Variants in SPECC1 observed in about 807,000 individuals in gnomAD.
The protein encoded by SPECC1 is cytospin-B.
In SPECC1, 62 loss-of-function variants were observed where a neutral mutation model predicts 104.1. The observed-to-expected ratio is 0.60, with a 90% CI of 0.49 to 0.74. SPECC1 has a LOEUF of 0.74. Ranked by LOEUF, SPECC1 falls within the 30% of genes least tolerant of loss-of-function variation. The pLI is 0.00. For missense variants in SPECC1, 1,306 were observed against 1,310.5 expected, an observed-to-expected ratio of 1.00 and a Z score of 0.05; for synonymous variants, 513 against 501.6, an observed-to-expected ratio of 1.02 and a Z score of -0.30.
intron 3 of SPECC1, among the ~76,000 whole-genome samples, chr17:20,190,139 A>G (rs2035563916): frequency 6.6e-6 from 1 of 152,140 alleles, no homozygotes; most frequent in Admixed American, 6.5e-5. Flanking sequence ...GTGGGGCCCC[A>G]AGATTTGATA....
chr17:20,318,824 A>ATTT lies in SPECC1; in HGVS notation c.*4768_*4770dup. On this transcript the variant is annotated 3_prime_UTR_variant, in exon 15 of 15. Transcript: ENST00000395527. Reference sequence around the variant, plus strand: ...CTGTAGCATCCTGAATAGCACACTAATTTTTTTTTTTAGCACACTAACTTT... The same window carrying ATTT: ...CTGTAGCATCCTGAATAGCACACTAATTTTTTTTTTTTTTAGCACACTAACTTT... The ATTT allele has an allele frequency of 1.1e-5, 2 of 189,454 alleles. No individual in the cohort carries two copies. The highest frequency in any genetic ancestry group is 8.6e-5 in the East Asian group (1 of 11,674). 11.7% of individuals were successfully genotyped at this position (189,454 alleles called of 1,614,324 possible). A position where few individuals can be genotyped will look rare whatever the true frequency, so the allele number is the denominator to read the frequency against.
At chr17:20,230,000 T>A (rs2038473036) in intron 5 of SPECC1, among the ~76,000 whole-genome samples, 1 of 152,232 alleles carries the variant, frequency 6.6e-6, no homozygotes, top group Admixed American at 6.5e-5. Context: ...CAGGGGAGGT[T>A]CTGCAGATCA....
chr17:20,203,124 A>G (rs2036541289), intron 3 of SPECC1, among the ~76,000 whole-genome samples: 1 of 152,050 alleles, frequency 6.6e-6, no homozygotes, highest in Admixed American at 6.6e-5. Flanking sequence ...CTGCCAGTCT[A>G]TGGGAACATT....
At chr17:20,142,164 T>G (rs778715497) in intron 3 of SPECC1, among the ~76,000 whole-genome samples, 2 of 152,258 alleles carry the variant, frequency 1.3e-5, no homozygotes, top group Non-Finnish European at 2.9e-5. Flanking sequence ...AGTCACTAAA[T>G]TATTATTTTG....
intron 1 of SPECC1, among the ~76,000 whole-genome samples, chr17:20,025,340 C>T (rs910797976): frequency 1.3e-5 from 2 of 152,206 alleles, no homozygotes; most frequent in African/African-American, 2.4e-5. Flanking sequence ...GTTTGTGGTA[C>T]TTTGTTCCAG....
chr17:20,016,789 C>T (rs2044149049), intron 1 of SPECC1, among the ~76,000 whole-genome samples: 1 of 152,254 alleles, frequency 6.6e-6, no homozygotes, highest in Non-Finnish European at 1.5e-5. Flanking sequence ...CCATCGACCA[C>T]CAGAGGGCTG....
At chr17:20,093,795 A>G (rs2047519802) in intron 1 of SPECC1, among the ~76,000 whole-genome samples, 2 of 149,650 alleles carry the variant, frequency 1.3e-5, no homozygotes, top group African/African-American at 4.9e-5. Context: ...CAGTAGCTCA[A>G]TCTTGGTTCA....
chr17:20,281,854 T>C (rs1009725352), intron 12 of SPECC1, among the ~76,000 whole-genome samples: 1 of 152,218 alleles, frequency 6.6e-6, no homozygotes, highest in Non-Finnish European at 1.5e-5. Context: ...GGCCTGAGCA[T>C]GGTCCTAGGG....
At chr17:20,311,179 C>T (rs8070401) in intron 14 of SPECC1, among the ~76,000 whole-genome samples, 114,140 of 150,058 alleles carry the variant, frequency 0.76, 44,564 homozygotes, top group East Asian at 0.99. Flanking sequence ...TCAATTGGTA[C>T]ATAGGACAGC....
chr17:20,264,159 G>C (rs2040130342), intron 12 of SPECC1, among the ~76,000 whole-genome samples: 1 of 152,112 alleles, frequency 6.6e-6, no homozygotes, highest in South Asian at 2.1e-4. Flanking sequence ...ATGTGTACTT[G>C]ACTTAAAATA....
intron 1 of SPECC1, among the ~76,000 whole-genome samples, chr17:20,041,035 T>G (rs1012691203): frequency 2.0e-5 from 3 of 152,014 alleles, no homozygotes; most frequent in African/African-American, 7.2e-5. Flanking sequence ...TCCTTTCTCT[T>G]TTTCCATCAT....
chr17:20,197,865 C>T (rs1567927432), intron 3 of SPECC1, among the ~76,000 whole-genome samples: 1 of 152,214 alleles, frequency 6.6e-6, no homozygotes, highest in Non-Finnish European at 1.5e-5. Context: ...AATACACCAG[C>T]TTAAGACTAG....
intron 7 of SPECC1, 75 bp from the exon 8 acceptor site, chr17:20,245,846 AGTTCT>A: frequency 1.3e-6 from 2 of 1,491,162 alleles, no homozygotes; most frequent in Non-Finnish European, 1.8e-6. Flanking sequence ...TCTCCACATC[AGTTCT>A]GTTTTCCTCT....
At chr17:20,201,914 A>G (rs2036460097) in intron 3 of SPECC1, among the ~76,000 whole-genome samples, 1 of 152,230 alleles carries the variant, frequency 6.6e-6, no homozygotes, top group African/African-American at 2.4e-5. Context: ...AAAAAAATTC[A>G]GATGAACTGG....
At chr17:20,061,733 T>C (rs549606190) in intron 1 of SPECC1, among the ~76,000 whole-genome samples, 2 of 152,218 alleles carry the variant, frequency 1.3e-5, no homozygotes, top group Non-Finnish European at 2.9e-5. Flanking sequence ...CTTACTGACT[T>C]CAGTCCCATT....
intron 11 of SPECC1, among the ~76,000 whole-genome samples, chr17:20,258,512 A>G (rs1286327007): frequency 2.0e-5 from 3 of 152,166 alleles, no homozygotes; most frequent in African/African-American, 7.2e-5. Context: ...ATCCTGCTGC[A>G]GACCTTGCAG....
At position 20,283,008 on chromosome 17, in the gene SPECC1, A is replaced by G. The variant is rs371888647; in HGVS notation, c.2941-13953A>G. Among the ~76,000 whole-genome samples, 12 of 152,154 alleles carry G rather than the reference A, an allele frequency of 7.9e-5. 1 individual carries two copies. The highest frequency in any genetic ancestry group is 2.7e-4 in the African/African-American group (11 of 41,496). On this transcript the variant is annotated intron_variant, in intron 12 of 14. Coordinates refer to ENST00000395527, the MANE Select transcript of SPECC1 (RefSeq NM_001243439.2). ...AGCCTGGGCAACATAGTGAGACCCC[A>G]TCTCTAAGAAAAGATGAAAAAAAAA...
Position 20,295,640 on chromosome 17 carries a change from T to C in SPECC1, c.2941-1321T>C, listed in dbSNP as rs373830266. ...AACTAGTTTACAGTCCCACCAACAG[T>C]GTAAAAGTGTTCCTATTTCTCAACA... On this transcript the variant is annotated intron_variant, in intron 12 of 14. Coordinates refer to ENST00000395527, the MANE Select transcript of SPECC1 (RefSeq NM_001243439.2). 1.4e-4 allele frequency among the ~76,000 whole-genome samples: 21 copies of C among 152,318 alleles called. No individual in the cohort carries two copies. The South Asian group carries it at 1.9e-3, about 14-fold the overall frequency.
intron 3 of SPECC1, among the ~76,000 whole-genome samples, chr17:20,123,508 A>G (rs1438956993): frequency 6.6e-6 from 1 of 152,144 alleles, no homozygotes; most frequent in Non-Finnish European, 1.5e-5. Flanking sequence ...AACCTGAGAC[A>G]CCTGTCCTCT....
Sources: allele counts gnomAD v4.1 joint callset (sites outside exome capture counted in the v4.1 genomes callset), GRCh38; gene constraint gnomAD v4.1.1; transcripts MANE v1.5; gene names NCBI Gene and HGNC (gene_info 2026-07-23, HGNC 2026-07-21).